TOP1MT: variants seen among roughly 807,000 people sequenced by gnomAD.
TOP1MT encodes DNA topoisomerase I, mitochondrial.
Under a neutral mutation model 73.9 loss-of-function variants are expected in TOP1MT, and 80 were observed. That is an observed-to-expected ratio of 1.08 (90% CI 0.90 to 1.30). The LOEUF is 1.30. TOP1MT is among the 50% of genes most tolerant of loss of function. The probability of loss-of-function intolerance (pLI) is 0.00; values close to 1 mark genes in which losing one functional copy is unlikely to be tolerated. For synonymous variants in TOP1MT, 338 were observed against 326.4 expected, an observed-to-expected ratio of 1.04 and a Z score of -0.38; for missense variants, 815 against 808.0, an observed-to-expected ratio of 1.01 and a Z score of -0.10.
upstream of TOP1MT, among the ~76,000 whole-genome samples, chr8:143,336,295 C>T (rs1231870527): frequency 6.6e-6 from 1 of 152,118 alleles, no homozygotes; most frequent in Non-Finnish European, 1.5e-5. Context: ...CCAGTTGGTT[C>T]CTCAGGTTTT....
At chr8:143,336,804 G>C (rs770351751), upstream of TOP1MT, among the ~76,000 whole-genome samples, 3 of 152,112 alleles carry the variant, frequency 2.0e-5, no homozygotes, top group African/African-American at 7.2e-5. Flanking sequence ...GCAACATAGT[G>C]AGACCCTATC....
At chr8:143,349,221 C>T (rs1482630240), upstream of TOP1MT, among the ~76,000 whole-genome samples, 1 of 152,138 alleles carries the variant, frequency 6.6e-6, no homozygotes, top group Non-Finnish European at 1.5e-5. Context: ...ACAAATTGAG[C>T]TTTTCCTACC....
chr8:143,338,275 AT>A (rs1001816605), upstream of TOP1MT, among the ~76,000 whole-genome samples: 24 of 150,384 alleles, frequency 1.6e-4, no homozygotes, highest in South Asian at 2.5e-3. Context: ...TTAAAAAAAA[AT>A]TTTTTTTTTG....
At chr8:143,329,323 G>C (rs1419869856) in intron 3 of TOP1MT, 27 bp downstream of exon 3, 1 of 1,583,674 alleles carries the variant, frequency 6.3e-7, no homozygotes, top group South Asian at 1.2e-5. Context: ...GTCCAGGACA[G>C]CTGTGGCGGC....
At chr8:143,310,290 G>T in intron 12 of TOP1MT, 73 bp from the exon 13 acceptor site, 1 of 1,218,636 alleles carries the variant, frequency 8.2e-7, no homozygotes, top group Non-Finnish European at 1.1e-6. Flanking sequence ...CACTTCTCTG[G>T]CCCTGCCGCC....
At chr8:143,321,666 GCACGCCACA>G (rs1816384352) in intron 7 of TOP1MT, among the ~76,000 whole-genome samples, 2 of 68,038 alleles carry the variant, frequency 2.9e-5, no homozygotes, top group Non-Finnish European at 5.5e-5. Flanking sequence ...CCACACACAC[GCACGCCACA>G]CACGCACGCC....
upstream of TOP1MT, among the ~76,000 whole-genome samples, chr8:143,347,248 G>C (rs904493663): frequency 4.6e-5 from 7 of 152,102 alleles, 1 homozygote; most frequent in Admixed American, 4.6e-4. Context: ...TCTGCCTCCT[G>C]GGTTCACGCC....
At chr8:143,322,732 ACACACGCCACACACG>A (rs1816516479) in intron 7 of TOP1MT, among the ~76,000 whole-genome samples, 1 of 24,980 alleles carries the variant, frequency 4.0e-5, no homozygotes, top group Admixed American at 4.6e-4. Flanking sequence ...CAGGCACGCC[ACACACGCCACACACG>A]CACGCACGCC....
intron 13 of TOP1MT, 103 bp downstream of exon 13, chr8:143,309,965 G>C (rs1485041710): frequency 6.3e-7 from 1 of 1,597,016 alleles, no homozygotes; most frequent in Non-Finnish European, 8.5e-7. Context: ...CTGACCCCAG[G>C]GGACACGGGA....
rs1461810392 is a variant in TOP1MT, at chr8:143,341,829, T to C, written c.29+1391A>G. Among the ~76,000 whole-genome samples the C allele has an allele frequency of 6.8e-6, 1 of 146,540 alleles. No individual in the cohort carries two copies. Among genetic ancestry groups the C allele is most frequent in the Non-Finnish European group, 1.5e-5 (1 of 67,302 alleles). ...CATCTAGTGCTTCCTTCTTCCTTCTTCTTCCTCTTCTTCCTCCTCCTCCTC... is the reference window on the plus strand; with the variant it reads ...CATCTAGTGCTTCCTTCTTCCTTCTCCTTCCTCTTCTTCCTCCTCCTCCTC... On this transcript the variant is annotated intron_variant, in intron 2 of 5. Transcript: ENST00000518007. This position sits in a 1 kb window ranked among gnomAD's most constrained non-coding sequence, Gnocchi z 4.1.
rs1563771344 is a variant in TOP1MT, at chr8:143,342,180, AGAG to A, written c.29+1037_29+1039del. Among the ~76,000 whole-genome samples, 10 of 95,726 alleles carry A rather than the reference AGAG, an allele frequency of 1.0e-4. 2 individuals are homozygous for A. The highest frequency in any genetic ancestry group is 5.3e-4 in the African/African-American group (8 of 15,030). 62.8% of individuals were successfully genotyped at this position (95,726 alleles called of 152,430 possible). The stretch of plus-strand genomic sequence containing the variant: ...GACAGAGTCTCGCTCTGTTATTATT[AGAG>A]ACAGTCTCGCTGTTATTATTATTAT... On this transcript the variant is annotated intron_variant, in intron 2 of 5. Transcript: ENST00000518007.
intron 7 of TOP1MT, among the ~76,000 whole-genome samples, chr8:143,322,547 C>T (rs1264986315): frequency 1.1e-5 from 1 of 91,864 alleles, no homozygotes; most frequent in Admixed American, 1.4e-4. Context: ...GCACGCCACA[C>T]ACACGCACGC....
chr8:143,332,685 G>C (rs1184946437), intron 1 of TOP1MT: 1 of 691,040 alleles, frequency 1.4e-6, no homozygotes, highest in African/African-American at 1.9e-5. Context: ...GGCAAGGTTA[G>C]AAGACGTAGA....
At chr8:143,323,499 CCA>C (rs1379063450) in intron 7 of TOP1MT, among the ~76,000 whole-genome samples, 1 of 121,130 alleles carries the variant, frequency 8.3e-6, no homozygotes, top group Non-Finnish European at 1.6e-5. Flanking sequence ...CACATGCACG[CCA>C]CACAGGCACG....
At chr8:143,342,195 GTTATTATTA>G (rs74193934) in intron 2 of TOP1MT, among the ~76,000 whole-genome samples, 1 of 108,960 alleles carries the variant, frequency 9.2e-6, no homozygotes, top group Non-Finnish European at 1.8e-5. Flanking sequence ...CAGTCTCGCT[GTTATTATTA>G]TTATTAGAGA....
At chr8:143,320,732 G>A (rs1816308424) in intron 8 of TOP1MT, among the ~76,000 whole-genome samples, 1 of 152,236 alleles carries the variant, frequency 6.6e-6, no homozygotes, top group Admixed American at 6.5e-5. Context: ...CAGAGACTGG[G>A]ATGAGGCAGC....
chr8:143,329,275 A>C, intron 3 of TOP1MT, 75 bp downstream of exon 3: 1 of 1,465,574 alleles, frequency 6.8e-7, no homozygotes, highest in Non-Finnish European at 9.0e-7. Context: ...GGGCGTTCAG[A>C]GGCAGCACTG....
chr8:143,352,751 C>T (rs373475562), intron 1 of TOP1MT, among the ~76,000 whole-genome samples: 2 of 152,152 alleles, frequency 1.3e-5, no homozygotes, highest in African/African-American at 4.8e-5. Flanking sequence ...CTCAGCTTAC[C>T]ATAGCTGGGA....
chr8:143,326,424 G>A lies in TOP1MT; in HGVS notation c.361-80C>T. 5 of 1,581,148 alleles carry A rather than the reference G, an allele frequency of 3.2e-6. No homozygotes were observed. In the South Asian group the frequency reaches 3.4e-5, roughly 11 times the overall value. On this transcript the variant is annotated intron_variant, in intron 3 of 13. Coordinates refer to ENST00000329245, the MANE Select transcript of TOP1MT (RefSeq NM_052963.3). ...GCGCTCTCGCCATGTCTGACGGACA[G>A]AAACGCGCTCTCGCCATGTCCGACG...
Sources: allele counts gnomAD v4.1 joint callset (sites outside exome capture counted in the v4.1 genomes callset), GRCh38; gene constraint gnomAD v4.1.1; non-coding constraint Gnocchi (gnomAD v3.1); transcripts MANE v1.5; gene names NCBI Gene and HGNC (gene_info 2026-07-23, HGNC 2026-07-21).